EPHA5: variants seen among roughly 807,000 people sequenced by gnomAD.
The protein encoded by EPHA5 is EPH receptor A5, also known as ephrin type-A receptor 5.
EPHA5 carries 60 observed loss-of-function variants against 105.0 expected under a neutral mutation model. The observed-to-expected ratio is 0.57, with a 90% CI of 0.46 to 0.71. The LOEUF is 0.71. EPHA5 is among the 30% of genes least tolerant of loss of function. The pLI, the probability that EPHA5 is intolerant of heterozygous loss-of-function variation, is 0.00. For synonymous variants in EPHA5, 513 were observed against 449.1 expected (o/e 1.14, Z -1.80); for missense variants, 1,218 against 1,274.7 (o/e 0.96, Z 0.68).
At chr4:65,359,708 T>G (rs563813309) in intron 11 of EPHA5, among the ~76,000 whole-genome samples, 1 of 151,606 alleles carries the variant, frequency 6.6e-6, no homozygotes, top group East Asian at 1.9e-4. Flanking sequence ...GCTAGGTCAT[T>G]ATACTGACCT....
chr4:65,333,530 AGTGTGTGTCTGTGTGTGT>A (rs766020517), intron 15 of EPHA5, among the ~76,000 whole-genome samples: 4,539 of 122,516 alleles, frequency 0.037, 103 homozygotes, highest in Non-Finnish European at 0.044. Flanking sequence ...TGCGTGTGAG[AGTGTGTGTCTGTGTGTGT>A]GTGTGTGTGT....
chr4:65,650,175 A>G (rs1748466437), intron 1 of EPHA5, among the ~76,000 whole-genome samples: 1 of 152,178 alleles, frequency 6.6e-6, no homozygotes, highest in Non-Finnish European at 1.5e-5. Flanking sequence ...CCAAATGAAC[A>G]AAGTATCTTC....
At chr4:65,620,026 A>G (rs892856612) in intron 2 of EPHA5, among the ~76,000 whole-genome samples, 1 of 149,926 alleles carries the variant, frequency 6.7e-6, no homozygotes, top group African/African-American at 2.4e-5. Context: ...TAGTATCACA[A>G]CCATCTCTGG....
At chr4:65,465,503 G>GA (rs1164957058) in intron 5 of EPHA5, among the ~76,000 whole-genome samples, 4 of 97,510 alleles carry the variant, frequency 4.1e-5, no homozygotes, top group Non-Finnish European at 8.8e-5. Context: ...AAGAAAGAAA[G>GA]AAAGAAAGAA....
Position 65,320,283 on chromosome 4 carries a change from A to C in EPHA5, c.*3831T>G, listed in dbSNP as rs1295518870. On this transcript the variant is annotated 3_prime_UTR_variant, in exon 17 of 17. Coordinates refer to ENST00000613740, the MANE Select transcript of EPHA5 (RefSeq NM_001281766.3). ...GAAAAAATGATGACTTATTTTACTT[A>C]TTAATGTCAAATAAAGCTAGCATTT... The C allele has an allele frequency of 4.3e-6, 1 of 230,286 alleles. No individual in the cohort carries two copies. Among genetic ancestry groups the C allele is most frequent in the East Asian group, 6.1e-5 (1 of 16,274 alleles). 14.3% of individuals were successfully genotyped at this position (230,286 alleles called of 1,614,324 possible). A position where few individuals can be genotyped will look rare whatever the true frequency, so the allele number is the denominator to read the frequency against.
At chr4:65,561,268 C>T (rs1436032890) in intron 3 of EPHA5, among the ~76,000 whole-genome samples, 1 of 151,952 alleles carries the variant, frequency 6.6e-6, no homozygotes, top group Admixed American at 6.6e-5. Flanking sequence ...AATGGGAAGA[C>T]CTATCAAATG....
intron 2 of EPHA5, among the ~76,000 whole-genome samples, chr4:65,628,391 T>A (rs1746336873): frequency 6.6e-6 from 1 of 152,114 alleles, no homozygotes; most frequent in South Asian, 2.1e-4. Context: ...GATTGGTTAG[T>A]CAGAAAGAAC....
intron 8 of EPHA5, chr4:65,376,868 G>C: frequency 1.1e-5 from 7 of 636,818 alleles, no homozygotes; most frequent in Non-Finnish European, 1.5e-5. Context: ...GAAATCACTT[G>C]TTAGGATTCA....
chr4:65,523,031 T>C (rs1734908119), intron 3 of EPHA5, among the ~76,000 whole-genome samples: 3 of 151,904 alleles, frequency 2.0e-5, no homozygotes. Flanking sequence ...TAATATAGGA[T>C]CAGTCAGTGG....
chr4:65,448,306 A>T (rs1054806980), intron 5 of EPHA5, among the ~76,000 whole-genome samples: 2 of 151,952 alleles, frequency 1.3e-5, no homozygotes, highest in Non-Finnish European at 2.9e-5. Context: ...TTGTAATTTT[A>T]TAATAATTAT....
intron 1 of EPHA5, among the ~76,000 whole-genome samples, chr4:65,664,949 T>C (rs906483365): frequency 2.0e-4 from 30 of 152,086 alleles, no homozygotes; most frequent in Middle Eastern, 3.4e-3. Context: ...CTTAAAATGA[T>C]GTCATAATCT....
intron 1 of EPHA5, 182 bp downstream of exon 1, chr4:65,669,380 T>C (rs1266859417): frequency 1.6e-5 from 16 of 983,790 alleles, no homozygotes; most frequent in Non-Finnish European, 1.9e-5. Context: ...CGTCAAACAA[T>C]GCAACCAAAA....
At chr4:65,583,973 CG>C (rs1560733670) in intron 3 of EPHA5, among the ~76,000 whole-genome samples, 1 of 151,118 alleles carries the variant, frequency 6.6e-6, no homozygotes, top group African/African-American at 2.4e-5. Context: ...ATATGTAATA[CG>C]GTATATATGT....
Position 65,387,962 on chromosome 4 carries a change from C to CCCCCAGA in EPHA5, c.1793+16411_1793+16412insTCTGGGG, listed in dbSNP as rs1553905668. On this transcript the variant is annotated intron_variant, in intron 8 of 16. Transcript: ENST00000613740. ...AGGTATATCTCCTAATGCTATCCCT[C>CCCCCAGA]CCCCCTCCCCCCACCCCACAACAGT... 1.2e-3 allele frequency among the ~76,000 whole-genome samples: 49 copies of CCCCCAGA among 42,168 alleles called. 2 individuals are homozygous for CCCCCAGA. Among genetic ancestry groups the CCCCCAGA allele is most frequent in the African/African-American group, 4.5e-3 (47 of 10,430 alleles). 27.7% of individuals were successfully genotyped at this position (42,168 alleles called of 152,430 possible).
intron 8 of EPHA5, among the ~76,000 whole-genome samples, chr4:65,395,761 C>A (rs1442321840): frequency 6.6e-6 from 1 of 152,186 alleles, no homozygotes; most frequent in Non-Finnish European, 1.5e-5. Flanking sequence ...GAAAATATAA[C>A]TTTTAACAGG....
intron 3 of EPHA5, among the ~76,000 whole-genome samples, chr4:65,595,062 C>G (rs551776079): frequency 6.6e-6 from 1 of 151,636 alleles, no homozygotes; most frequent in Non-Finnish European, 1.5e-5. Context: ...GATTTCTGCA[C>G]TGGAAGCTCC....
At chr4:65,415,978 A>T (rs916966484) in intron 6 of EPHA5, among the ~76,000 whole-genome samples, 1 of 152,052 alleles carries the variant, frequency 6.6e-6, no homozygotes, top group African/African-American at 2.4e-5. Context: ...ATTATTTATT[A>T]TTTCTCCATA....
intron 3 of EPHA5, among the ~76,000 whole-genome samples, chr4:65,517,751 C>T (rs1386665488): frequency 6.6e-6 from 1 of 151,740 alleles, no homozygotes; most frequent in African/African-American, 2.4e-5. Context: ...TTTGCCTATA[C>T]CTCACATTTA....
rs150710407 is a variant in EPHA5, at chr4:65,364,893, A to G, written c.2173+124T>C. 65 of 695,790 alleles carry G rather than the reference A, an allele frequency of 9.3e-5. No homozygotes were observed. The South Asian group carries it at 1.1e-3, about 11-fold the overall frequency. The allele number at this position is 695,790 out of a possible 1,614,324, so 43.1% of individuals were successfully genotyped here. A position where few individuals can be genotyped will look rare whatever the true frequency, so the allele number is the denominator to read the frequency against. On this transcript the variant is annotated intron_variant, in intron 11 of 16. Coordinates refer to ENST00000613740, the MANE Select transcript of EPHA5 (RefSeq NM_001281766.3). The stretch of plus-strand genomic sequence containing the variant: ...TAACAAAAATCTACTAAAATACAGG[A>G]TAAACATTAATATTAGAGAAATTAA...
Sources: gnomAD v4.1 joint callset for allele counts (sites outside exome capture counted in the v4.1 genomes callset) on GRCh38, gnomAD v4.1.1 for gene constraint, MANE v1.5 for transcripts, NCBI Gene and HGNC (gene_info 2026-07-23, HGNC 2026-07-21) for gene names.